The following SHTN1 variants were observed in gnomAD, a reference collection of about 807,000 sequenced individuals.
SHTN1 encodes shootin-1.
In SHTN1, 42 loss-of-function variants were observed where a neutral mutation model predicts 83.1. The observed-to-expected ratio is 0.51, with a 90% CI of 0.39 to 0.65. SHTN1 has a LOEUF of 0.65. SHTN1 is among the 30% of genes least tolerant of loss of function. The pLI, the probability that SHTN1 is intolerant of heterozygous loss-of-function variation, is 0.00. For synonymous variants in SHTN1, 224 were observed against 247.7 expected (o/e 0.90, Z 0.90); for missense variants, 622 against 737.8 (o/e 0.84, Z 1.82).
intron 1 of SHTN1, among the ~76,000 whole-genome samples, chr10:117,066,630 T>C (rs540191483): frequency 4.0e-4 from 61 of 152,200 alleles, no homozygotes; most frequent in Non-Finnish European, 7.6e-4. Flanking sequence ...TATACTACCT[T>C]ATTTCCATGT....
chr10:117,108,478 G>T (rs542491884), intron 1 of SHTN1, among the ~76,000 whole-genome samples: 211 of 147,474 alleles, frequency 1.4e-3, no homozygotes, highest in Non-Finnish European at 2.4e-3. Context: ...AACACCGCAT[G>T]TTCTCACTCA....
At chr10:116,941,314 C>T (rs1849365776) in intron 8 of SHTN1, among the ~76,000 whole-genome samples, 1 of 152,134 alleles carries the variant, frequency 6.6e-6, no homozygotes, top group Admixed American at 6.5e-5. Flanking sequence ...AAGTAGTTAA[C>T]AGTAGAAGGG....
chr10:117,018,226 C>A (rs1852209170), intron 2 of SHTN1, among the ~76,000 whole-genome samples: 2 of 152,022 alleles, frequency 1.3e-5, no homozygotes, highest in Middle Eastern at 3.4e-3. Flanking sequence ...GGTTATGTAC[C>A]CAGTGGGCTG....
chr10:117,010,678 T>C (rs1212019225), intron 2 of SHTN1, among the ~76,000 whole-genome samples: 1 of 152,134 alleles, frequency 6.6e-6, no homozygotes, highest in Non-Finnish European at 1.5e-5. Flanking sequence ...GCAAAAATCC[T>C]CAACAAAATA....
chr10:117,095,406 C>T (rs985884708), intron 1 of SHTN1, among the ~76,000 whole-genome samples: 17 of 152,164 alleles, frequency 1.1e-4, no homozygotes, highest in Non-Finnish European at 1.5e-4. Flanking sequence ...ACTCACAATA[C>T]GGTATCTGAA....
At chr10:116,997,721 C>T (rs892904162) in intron 1 of SHTN1, among the ~76,000 whole-genome samples, 2 of 152,168 alleles carry the variant, frequency 1.3e-5, no homozygotes, top group Non-Finnish European at 2.9e-5. Context: ...GGTTTCTCCA[C>T]TGTAAAGTTA....
intron 12 of SHTN1, among the ~76,000 whole-genome samples, chr10:116,918,403 C>G (rs895990551): frequency 6.6e-6 from 1 of 151,226 alleles, no homozygotes; most frequent in South Asian, 2.1e-4. Context: ...CTTGAAGAAA[C>G]GAAAATGAAT....
At chr10:117,005,315 C>T, upstream of SHTN1, 1 of 1,370,808 alleles carries the variant, frequency 7.3e-7, no homozygotes, top group Non-Finnish European at 9.4e-7. Context: ...CCAGCAGTCC[C>T]GTTCAGGGGG....
chr10:117,054,406 CTTTT>C (rs1214269438), intron 1 of SHTN1, among the ~76,000 whole-genome samples: 2 of 138,450 alleles, frequency 1.4e-5, no homozygotes, highest in African/African-American at 2.6e-5. Context: ...GCATCCTTAT[CTTTT>C]TTTTTTTTTT....
At chr10:117,087,017 T>C (rs1029173517) in intron 1 of SHTN1, among the ~76,000 whole-genome samples, 3 of 152,220 alleles carry the variant, frequency 2.0e-5, no homozygotes, top group African/African-American at 7.2e-5. Context: ...TCAACTATAG[T>C]ATGATTCAAT....
At chr10:117,109,552 A>ATTTTTTTTTTTT (rs1564962314) in intron 1 of SHTN1, among the ~76,000 whole-genome samples, 2 of 16,558 alleles carry the variant, frequency 1.2e-4, no homozygotes, top group Admixed American at 8.0e-4. Context: ...AACATATATT[A>ATTTTTTTTTTTT]CTTTTTTTTT....
intron 1 of SHTN1, among the ~76,000 whole-genome samples, chr10:117,056,433 C>T (rs929555637): frequency 1.3e-5 from 2 of 152,158 alleles, no homozygotes; most frequent in Non-Finnish European, 2.9e-5. Flanking sequence ...TAATGGTCCA[C>T]CCTATCAATG....
At chr10:117,090,752 CAGAAGGAAGGAAGGAAGGAA>C (rs748534606) in intron 1 of SHTN1, among the ~76,000 whole-genome samples, 9,712 of 110,556 alleles carry the variant, frequency 0.088, 604 homozygotes, top group East Asian at 0.2. Context: ...TTTGTGAAAA[CAGAAGGAAGGAAGGAAGGAA>C]GGAAGGAAGG....
chr10:117,081,781 G>C (rs1329040577), intron 1 of SHTN1, among the ~76,000 whole-genome samples: 1 of 149,414 alleles, frequency 6.7e-6, no homozygotes, highest in African/African-American at 2.4e-5. Flanking sequence ...TATGTGTCAA[G>C]GAATTTATCC....
At chr10:116,950,996 G>A (rs935632686) in intron 6 of SHTN1, among the ~76,000 whole-genome samples, 1 of 152,150 alleles carries the variant, frequency 6.6e-6, no homozygotes, top group African/African-American at 2.4e-5. Flanking sequence ...CACATCAGTT[G>A]GGAAGTGCTG....
intron 11 of SHTN1, among the ~76,000 whole-genome samples, chr10:116,923,831 G>A (rs922202780): frequency 1.3e-5 from 2 of 152,200 alleles, no homozygotes; most frequent in Non-Finnish European, 2.9e-5. Flanking sequence ...GATTACAGGC[G>A]TGAGCCACTG....
chr10:116,928,471 C>T (rs1014259630), intron 10 of SHTN1, among the ~76,000 whole-genome samples: 2 of 152,170 alleles, frequency 1.3e-5, no homozygotes, highest in Admixed American at 6.5e-5. Flanking sequence ...ATGAGGAAGG[C>T]ATTTTACTAA....
At chr10:116,991,135 G>A (rs555190270) in intron 1 of SHTN1, among the ~76,000 whole-genome samples, 28 of 152,066 alleles carry the variant, frequency 1.8e-4, no homozygotes, top group African/African-American at 6.3e-4. Context: ...GCAGTGAGCC[G>A]AGATTATGCC....
chr10:117,030,122 C>T (rs751076064), intron 2 of SHTN1, among the ~76,000 whole-genome samples: 38 of 152,186 alleles, frequency 2.5e-4, no homozygotes, highest in African/African-American at 7.2e-4. Flanking sequence ...CTCTTGACCT[C>T]GTGATCTGCC....
Sources: allele counts gnomAD v4.1 joint callset (sites outside exome capture counted in the v4.1 genomes callset), GRCh38; gene constraint gnomAD v4.1.1; transcripts MANE v1.5; gene names NCBI Gene and HGNC (gene_info 2026-07-23, HGNC 2026-07-21).